The following LURAP1L variants were observed in gnomAD, a reference collection of about 807,000 sequenced individuals.
The protein encoded by LURAP1L is leucine rich adaptor protein 1-like.
LURAP1L carries 12 observed loss-of-function variants against 13.8 expected under a neutral mutation model. The observed-to-expected ratio is 0.87, with a 90% CI of 0.56 to 1.41. LURAP1L has a LOEUF of 1.41. Ranked by LOEUF, LURAP1L falls within the 40% of genes most tolerant of loss-of-function variation. The probability of loss-of-function intolerance (pLI) is 0.00; values close to 1 mark genes in which losing one functional copy is unlikely to be tolerated. For missense variants in LURAP1L, 375 were observed against 292.9 expected (o/e 1.28, Z -2.04); for synonymous variants, 139 against 119.2 (o/e 1.17, Z -1.08).
chr9:12,804,045 CAA>C (rs1265364050), intron 1 of LURAP1L, among the ~76,000 whole-genome samples: 2 of 152,114 alleles, frequency 1.3e-5, no homozygotes, highest in African/African-American at 2.4e-5. Context: ...ACTGAAAAGA[CAA>C]AGTTTATTTA....
At chr9:12,814,793 C>A (rs1711637705) in intron 1 of LURAP1L, among the ~76,000 whole-genome samples, 1 of 152,174 alleles carries the variant, frequency 6.6e-6, no homozygotes, top group African/African-American at 2.4e-5. Context: ...GGGGAAATTA[C>A]TTTTCTATAA....
At chr9:12,781,014 C>T (rs1026774599) in intron 1 of LURAP1L, among the ~76,000 whole-genome samples, 2 of 151,998 alleles carry the variant, frequency 1.3e-5, no homozygotes, top group Admixed American at 6.6e-5. Flanking sequence ...TCTTGTTGCC[C>T]AGGCTGGAGT....
At chr9:12,799,869 G>A (rs778271744) in intron 1 of LURAP1L, among the ~76,000 whole-genome samples, 18 of 113,926 alleles carry the variant, frequency 1.6e-4, no homozygotes, top group Admixed American at 7.2e-4. Flanking sequence ...GCGAGACTCC[G>A]TCTCAAAAAA....
chr9:12,821,675 A>G lies in LURAP1L; in HGVS notation c.602A>G (p.Gln201Arg). The G allele has an allele frequency of 1.2e-6, 2 of 1,614,156 alleles. No individual in the cohort carries two copies. Among genetic ancestry groups the G allele is most frequent in the Non-Finnish European group, 1.7e-6 (2 of 1,180,018 alleles). Residue 201 changes from glutamine (Q) to arginine (R), a missense_variant, in exon 2 of 2, where the codon CAA becomes CGA. By Grantham distance (43) the Gln-to-Arg change is conservative. Transcript: ENST00000319264. ...CATCAGACCCCTTCAGACTTGGACC[A>G]ATTCAGTGACAGCTCCCTCATAGAG... ...PGHQTPSDLD[Q>R]FSDSSLIEDS...
chr9:12,817,178 G>C (rs967758935), intron 1 of LURAP1L, among the ~76,000 whole-genome samples: 2 of 151,914 alleles, frequency 1.3e-5, no homozygotes, highest in Non-Finnish European at 2.9e-5. Flanking sequence ...TTATCTGCTG[G>C]GAACGCTTCA....
intron 1 of LURAP1L, among the ~76,000 whole-genome samples, chr9:12,811,981 G>C (rs946481006): frequency 6.6e-6 from 1 of 152,170 alleles, no homozygotes; most frequent in Non-Finnish European, 1.5e-5. Context: ...GTCCTTGCTA[G>C]CTGTTGTCCA....
chr9:12,792,825 G>C (rs537881476), intron 1 of LURAP1L, among the ~76,000 whole-genome samples: 2 of 152,096 alleles, frequency 1.3e-5, no homozygotes, highest in South Asian at 4.1e-4. Flanking sequence ...AAGTGAAACA[G>C]AATTTTACCA....
At chr9:12,802,194 C>A (rs117216887) in intron 1 of LURAP1L, among the ~76,000 whole-genome samples, 3 of 152,142 alleles carry the variant, frequency 2.0e-5, no homozygotes, top group Admixed American at 1.3e-4. Context: ...AAAGAATAGG[C>A]CTGAGATGCT....
chr9:12,775,529 C>G lies in LURAP1L; in HGVS notation c.-187C>G. ...GACTGGGAACTGCAGCTGCGACCCC[C>G]CGCGTCCTGTGCGGATTTCAGGGCT... On this transcript the variant is annotated 5_prime_UTR_variant, in exon 1 of 2. Coordinates refer to ENST00000319264, the MANE Select transcript of LURAP1L (RefSeq NM_203403.2). The G allele has an allele frequency of 1.1e-6, 1 of 878,830 alleles. No homozygotes were observed. The highest frequency in any genetic ancestry group is 1.6e-6 in the Non-Finnish European group (1 of 620,832). The allele number at this position is 878,830 out of a possible 1,614,324, so 54.4% of individuals were successfully genotyped here.
At chr9:12,781,063 C>T (rs571233336) in intron 1 of LURAP1L, among the ~76,000 whole-genome samples, 11 of 152,098 alleles carry the variant, frequency 7.2e-5, no homozygotes, top group Non-Finnish European at 1.5e-4. Flanking sequence ...CCTCTGCCTC[C>T]TAGGTTCAAG....
At chr9:12,815,814 G>C (rs886195292) in intron 1 of LURAP1L, among the ~76,000 whole-genome samples, 1 of 152,092 alleles carries the variant, frequency 6.6e-6, no homozygotes, top group Non-Finnish European at 1.5e-5. Flanking sequence ...TTAATATATA[G>C]ACATATTAAA....
intron 1 of LURAP1L, among the ~76,000 whole-genome samples, chr9:12,801,199 C>T (rs1163070620): frequency 6.6e-6 from 1 of 152,068 alleles, no homozygotes; most frequent in African/African-American, 2.4e-5. Flanking sequence ...TGCAATTTCA[C>T]ATGGCACCAT....
At chr9:12,821,352 G>C (rs1476801289) in intron 1 of LURAP1L, 34 bp from the exon 2 acceptor site, 1 of 1,586,960 alleles carries the variant, frequency 6.3e-7, no homozygotes, top group African/African-American at 1.3e-5. Flanking sequence ...AGTGTAAAAT[G>C]GCTGGAATAT....
chr9:12,810,566 G>A (rs1819723246), intron 1 of LURAP1L, among the ~76,000 whole-genome samples: 1 of 151,984 alleles, frequency 6.6e-6, no homozygotes, highest in Non-Finnish European at 1.5e-5. Context: ...TCACCGATTT[G>A]TTTTAAGAAT....
chr9:12,787,875 G>A (rs1038345218), intron 1 of LURAP1L, among the ~76,000 whole-genome samples: 9 of 152,076 alleles, frequency 5.9e-5, no homozygotes, highest in South Asian at 2.1e-4. Context: ...CACTTTGGGG[G>A]TTGAGGCAGG....
chr9:12,786,579 T>TAA (rs1290395603), intron 1 of LURAP1L, among the ~76,000 whole-genome samples: 18 of 115,646 alleles, frequency 1.6e-4, no homozygotes, highest in South Asian at 3.5e-4. Flanking sequence ...TATATATATA[T>TAA]ATAAACCCTT....
chr9:12,813,426 G>A (rs188934139), intron 1 of LURAP1L, among the ~76,000 whole-genome samples: 5 of 152,066 alleles, frequency 3.3e-5, no homozygotes, highest in African/African-American at 7.2e-5. Flanking sequence ...CTCTAGTACC[G>A]AGTATCTCTT....
At position 12,775,471 on chromosome 9, in the gene LURAP1L, C is replaced by G. The variant is rs1819154916; in HGVS notation, c.-245C>G. On this transcript the variant is annotated 5_prime_UTR_variant, in exon 1 of 2. In the 5' UTR this introduces an upstream ATG that the reference lacks. Transcript: ENST00000319264. ...CCAAAAAGAGAGAGAATGAGGAGAT[C>G]TTGATCATCTTAGTGTCGGAGGAGT... The G allele has an allele frequency of 4.2e-6, 2 of 480,692 alleles. No individual in the cohort carries two copies. Among genetic ancestry groups the G allele is most frequent in the Non-Finnish European group, 7.0e-6 (2 of 283,796 alleles). The allele number at this position is 480,692 out of a possible 1,614,324, so 29.8% of individuals were successfully genotyped here. A position where few individuals can be genotyped will look rare whatever the true frequency, so the allele number is the denominator to read the frequency against.
At chr9:12,800,904 T>G (rs1819577322) in intron 1 of LURAP1L, among the ~76,000 whole-genome samples, 1 of 152,166 alleles carries the variant, frequency 6.6e-6, no homozygotes, top group African/African-American at 2.4e-5. Flanking sequence ...AGCACAGCAG[T>G]GAGTTAAAGC....
Sources: allele counts gnomAD v4.1 joint callset (sites outside exome capture counted in the v4.1 genomes callset), GRCh38; gene constraint gnomAD v4.1.1; transcripts MANE v1.5; gene names NCBI Gene and HGNC (gene_info 2026-07-23, HGNC 2026-07-21).